Variants in ELL2 observed in about 807,000 individuals in gnomAD.
ELL2 encodes the protein RNA polymerase II elongation factor ELL2.
In ELL2, 21 loss-of-function variants were observed where a neutral mutation model predicts 72.8. That is an observed-to-expected ratio of 0.29 (90% CI 0.20 to 0.42). ELL2 has a LOEUF of 0.42. Among genes scored for constraint, ELL2 ranks in the 10% least tolerant of loss-of-function variants. The pLI, the probability that ELL2 is intolerant of heterozygous loss-of-function variation, is 1.00. For missense variants in ELL2, 568 were observed against 772.8 expected (o/e 0.73, Z 3.14); for synonymous variants, 266 against 283.2 (o/e 0.94, Z 0.61).
At chr5:95,946,361 G>A (rs531109048) in intron 1 of ELL2, among the ~76,000 whole-genome samples, 7 of 152,250 alleles carry the variant, frequency 4.6e-5, no homozygotes, top group South Asian at 4.1e-4. Context: ...TGATGCCAGC[G>A]TGGCTCCAGG....
In ELL2 at chr5:95,906,563, T is replaced by C. The variant is rs760608167; in HGVS notation, c.701A>G (p.Asn234Ser). 9.9e-6 allele frequency: 16 copies of C among 1,613,842 alleles called. No homozygotes were observed. The highest frequency in any genetic ancestry group is 6.8e-6 in the Non-Finnish European group (8 of 1,179,846). Reference sequence around the variant, plus strand: ...TCCCAGGGAGTTCTTGTCTTTTTGATTGACACCATCTTTCTGGAGTCTAGC... The same window carrying C: ...TCCCAGGGAGTTCTTGTCTTTTTGACTGACACCATCTTTCTGGAGTCTAGC... ...LLARLQKDGV[N>S]QKDKNSLGAI... Residue 234 changes from asparagine (N) to serine (S), a missense_variant, in exon 5 of 12, where the codon AAT becomes AGT. By Grantham distance (46) the Asn-to-Ser change is conservative (BLOSUM62 1). Coordinates refer to ENST00000237853, the MANE Select transcript of ELL2 (RefSeq NM_012081.6).
intron 9 of ELL2, among the ~76,000 whole-genome samples, chr5:95,894,360 A>G (rs770093807): frequency 1.3e-5 from 2 of 152,264 alleles, no homozygotes; most frequent in Non-Finnish European, 1.5e-5. Flanking sequence ...GTATATAATA[A>G]GTATATGTCA....
intron 4 of ELL2, among the ~76,000 whole-genome samples, chr5:95,907,296 A>ATATATTTTTTTTTT: frequency 5.1e-5 from 6 of 116,522 alleles, no homozygotes; most frequent in South Asian, 3.0e-4. Context: ...ATATATATAT[A>ATATATTTTTTTTTT]TTTTTTTTTT....
intron 2 of ELL2, among the ~76,000 whole-genome samples, chr5:95,938,660 T>C: frequency 6.6e-6 from 1 of 152,136 alleles, no homozygotes. Flanking sequence ...AGTTCAAGGC[T>C]GCAGTAAGCT....
chr5:95,941,615 G>A (rs1750971953), intron 2 of ELL2, among the ~76,000 whole-genome samples: 1 of 152,158 alleles, frequency 6.6e-6, no homozygotes, highest in African/African-American at 2.4e-5. Flanking sequence ...AAAGAATTAA[G>A]GGAAGCATCA....
rs1241618059 is a variant in ELL2 at position 95,927,368 on chromosome 5, CAT to C, written c.196-7825_196-7824del. ...CAGTATGTGTATGTGTATATATAGA[CAT>C]ACACACACACACGTGTGTATATATA... On this transcript the variant is annotated intron_variant, in intron 2 of 11. Transcript: ENST00000237853. 1.2e-4 allele frequency among the ~76,000 whole-genome samples: 13 copies of C among 106,226 alleles called. 1 individual carries two copies. Among genetic ancestry groups the C allele is most frequent in the African/African-American group, 6.2e-4 (13 of 20,836 alleles). 69.7% of individuals were successfully genotyped at this position (106,226 alleles called of 152,430 possible). A position where few individuals can be genotyped will look rare whatever the true frequency, so the allele number is the denominator to read the frequency against.
chr5:95,926,924 A>G (rs1750300969), intron 2 of ELL2, among the ~76,000 whole-genome samples: 1 of 152,212 alleles, frequency 6.6e-6, no homozygotes, highest in South Asian at 2.1e-4. Flanking sequence ...TATAACTGAA[A>G]TTACAAAAAA....
At chr5:95,900,589 G>T in intron 7 of ELL2, 104 bp downstream of exon 7, 3 of 856,850 alleles carry the variant, frequency 3.5e-6, no homozygotes, top group East Asian at 2.9e-5. Flanking sequence ...CAGGCAAGCT[G>T]TCCAGCTTCT....
At chr5:95,916,061 C>T (rs1300683575) in intron 3 of ELL2, among the ~76,000 whole-genome samples, 1 of 151,712 alleles carries the variant, frequency 6.6e-6, no homozygotes, top group Non-Finnish European at 1.5e-5. Context: ...TGAAGGATTA[C>T]AGGCAAGCAG....
intron 3 of ELL2, among the ~76,000 whole-genome samples, chr5:95,916,543 A>G (rs1434740364): frequency 6.6e-6 from 1 of 152,182 alleles, no homozygotes; most frequent in Non-Finnish European, 1.5e-5. Flanking sequence ...AACACTGGCA[A>G]CAAGTCCAGA....
In ELL2 at chr5:95,927,406, C is replaced by CAT. The variant is rs1561504207; in HGVS notation, c.196-7862_196-7861insAT. ...ACGTGTGTATATATAGACATACACA[C>CAT]ACGTGTGTATATAGACATACACACA... On this transcript the variant is annotated intron_variant, in intron 2 of 11. Coordinates refer to ENST00000237853, the MANE Select transcript of ELL2 (RefSeq NM_012081.6). Among the ~76,000 whole-genome samples, 299 of 43,712 alleles carry CAT rather than the reference C, an allele frequency of 6.8e-3. 7 individuals carry two copies. The highest frequency in any genetic ancestry group is 0.042 in the Middle Eastern group (5 of 118). The allele number at this position is 43,712 out of a possible 152,430, so 28.7% of individuals were successfully genotyped here. A position where few individuals can be genotyped will look rare whatever the true frequency, so the allele number is the denominator to read the frequency against.
chr5:95,911,795 G>T (rs1011390351), intron 4 of ELL2, among the ~76,000 whole-genome samples: 1 of 152,200 alleles, frequency 6.6e-6, no homozygotes, highest in Non-Finnish European at 1.5e-5. Flanking sequence ...ATTTGACCTA[G>T]AGAATAAAAG....
At chr5:95,941,405 T>C (rs1750963791) in intron 2 of ELL2, among the ~76,000 whole-genome samples, 1 of 152,132 alleles carries the variant, frequency 6.6e-6, no homozygotes, top group Non-Finnish European at 1.5e-5. Flanking sequence ...AAATATAAAC[T>C]GCCTGCTTTG....
chr5:95,945,794 G>A (rs1751135346), intron 1 of ELL2, among the ~76,000 whole-genome samples: 1 of 152,226 alleles, frequency 6.6e-6, no homozygotes, highest in Admixed American at 6.5e-5. Context: ...AGGTCTGTAT[G>A]TGTACGCTTC....
At chr5:95,954,469 C>G in intron 1 of ELL2, among the ~76,000 whole-genome samples, 1 of 144,126 alleles carries the variant, frequency 6.9e-6, no homozygotes, top group Admixed American at 7.1e-5. Flanking sequence ...TGCAGTGGTG[C>G]GATGTTGGCT....
Position 95,900,681 on chromosome 5 carries a change from T to A in ELL2, c.954+12A>T. On this transcript the variant is annotated intron_variant, in intron 7 of 11. Transcript: ENST00000237853. Reference sequence around the variant, plus strand: ...TCTATGTCAGGTCTATAATTCTATGTTTATGACATACCTGAGGAGAAGATA... The same window carrying A: ...TCTATGTCAGGTCTATAATTCTATGATTATGACATACCTGAGGAGAAGATA... 1 of 1,566,456 alleles carries A rather than the reference T, an allele frequency of 6.4e-7. No individual in the cohort carries two copies. Among genetic ancestry groups the A allele is most frequent in the East Asian group, 2.2e-5 (1 of 44,450 alleles).
chr5:95,943,138 G>T (rs1359205333), intron 1 of ELL2, 89 bp from the exon 2 acceptor site: 4 of 1,146,340 alleles, frequency 3.5e-6, no homozygotes, highest in South Asian at 1.6e-5. Flanking sequence ...TATGTTATTT[G>T]GGCCAGGCAC....
chr5:95,916,429 G>A (rs1561498935), intron 3 of ELL2, among the ~76,000 whole-genome samples: 1 of 152,158 alleles, frequency 6.6e-6, no homozygotes, highest in Admixed American at 6.5e-5. Flanking sequence ...ACATGAGACT[G>A]AAAAGCCACA....
At chr5:95,936,299 T>C (rs189426877) in intron 2 of ELL2, among the ~76,000 whole-genome samples, 12 of 152,336 alleles carry the variant, frequency 7.9e-5, no homozygotes, top group Admixed American at 6.5e-4. Context: ...GAAGCTTCTT[T>C]TGAGAAGAGA....
Sources: allele counts gnomAD v4.1 joint callset (sites outside exome capture counted in the v4.1 genomes callset), GRCh38; gene constraint gnomAD v4.1.1; transcripts MANE v1.5; gene names NCBI Gene and HGNC (gene_info 2026-07-23, HGNC 2026-07-21).